The following SHB variants were observed in gnomAD, a reference collection of about 807,000 sequenced individuals.
The protein encoded by SHB is SH2 domain-containing adapter protein B.
In SHB, 20 loss-of-function variants were observed where a neutral mutation model predicts 52.3. The observed-to-expected ratio is 0.38, with a 90% confidence interval of 0.27 to 0.56. The LOEUF is 0.56. Among genes scored for constraint, SHB ranks in the 20% least tolerant of loss-of-function variants. The pLI is 0.71. For synonymous variants in SHB, 397 were observed against 316.5 expected (o/e 1.25, Z -2.70); for missense variants, 825 against 723.3 (o/e 1.14, Z -1.61).
chr9:37,970,688 T>C (rs1820581670), intron 3 of SHB, among the ~76,000 whole-genome samples: 1 of 152,164 alleles, frequency 6.6e-6, no homozygotes, highest in South Asian at 2.1e-4. Context: ...GGTTGCAGAC[T>C]GACCTCCCAG....
At chr9:38,026,720 G>C (rs940564849) in intron 1 of SHB, among the ~76,000 whole-genome samples, 1 of 152,230 alleles carries the variant, frequency 6.6e-6, no homozygotes, top group Non-Finnish European at 1.5e-5. Flanking sequence ...TCTAGGCTGG[G>C]AAACCCTGAA....
chr9:38,031,070 C>A (rs1256435452), intron 1 of SHB, among the ~76,000 whole-genome samples: 1 of 152,206 alleles, frequency 6.6e-6, no homozygotes, highest in Non-Finnish European at 1.5e-5. Flanking sequence ...GCCTTTAACC[C>A]CAGCACTTTG....
intron 5 of SHB, 36 bp from the exon 6 acceptor site, chr9:37,920,040 C>T (rs779260822): frequency 6.4e-7 from 1 of 1,564,898 alleles, no homozygotes; most frequent in African/African-American, 1.4e-5. Flanking sequence ...GAACTACCCC[C>T]CTGACACTCA....
intron 3 of SHB, among the ~76,000 whole-genome samples, chr9:37,973,793 T>C (rs1162081811): frequency 6.6e-6 from 1 of 152,162 alleles, no homozygotes; most frequent in Non-Finnish European, 1.5e-5. Flanking sequence ...ACCTGTGCTC[T>C]GTGAGCGTGT....
chr9:38,009,378 G>C (rs139066624), intron 2 of SHB, among the ~76,000 whole-genome samples: 3 of 152,384 alleles, frequency 2.0e-5, no homozygotes, highest in Non-Finnish European at 2.9e-5. Context: ...TGTGACCGCA[G>C]AGGCGGGTAA....
At chr9:37,941,499 C>A (rs1246432528) in intron 5 of SHB, among the ~76,000 whole-genome samples, 1 of 152,234 alleles carries the variant, frequency 6.6e-6, no homozygotes, top group Admixed American at 6.5e-5. Context: ...CTGTGCAGAG[C>A]TCCCTCTGTT....
rs149751665 is a variant in SHB at position 37,924,330 on chromosome 9, C to T, written c.1347-4326G>A. ...AAAACATTACTCAGCCTGCAGCTGC[C>T]GGCCGCCGAGCAGGGTGCGAGGCCT... On this transcript the variant is annotated intron_variant, in intron 5 of 5. Coordinates refer to ENST00000377707, the MANE Select transcript of SHB (RefSeq NM_003028.3). Among the ~76,000 whole-genome samples, 344 of 152,318 alleles carry T rather than the reference C, an allele frequency of 2.3e-3. 2 individuals carry two copies. The highest frequency in any genetic ancestry group is 0.011 in the South Asian group (51 of 4,830).
chr9:37,940,957 G>T (rs1461670921), intron 5 of SHB, among the ~76,000 whole-genome samples: 1 of 152,196 alleles, frequency 6.6e-6, no homozygotes, highest in Non-Finnish European at 1.5e-5. Flanking sequence ...GAGCAACTAG[G>T]AGGTCAGAGA....
chr9:38,014,966 C>CA (rs1034645601), intron 2 of SHB, among the ~76,000 whole-genome samples: 23 of 152,164 alleles, frequency 1.5e-4, no homozygotes, highest in African/African-American at 3.1e-4. Flanking sequence ...GACAGGAATG[C>CA]AAAAAACCAA....
At chr9:37,994,168 G>GA (rs1056184195) in intron 2 of SHB, among the ~76,000 whole-genome samples, 1 of 152,200 alleles carries the variant, frequency 6.6e-6, no homozygotes, top group Non-Finnish European at 1.5e-5. Context: ...TGCAATGTGA[G>GA]AGAGTAGAAA....
intron 1 of SHB, among the ~76,000 whole-genome samples, chr9:38,029,479 T>G (rs1324503548): frequency 6.6e-6 from 1 of 152,124 alleles, no homozygotes; most frequent in Non-Finnish European, 1.5e-5. Flanking sequence ...GGGGTTGCTA[T>G]GAGATTTTTT....
intron 5 of SHB, among the ~76,000 whole-genome samples, chr9:37,947,644 A>G (rs751038411): frequency 1.1e-4 from 17 of 152,230 alleles, no homozygotes; most frequent in Non-Finnish European, 2.1e-4. Context: ...GGGAGGGGTC[A>G]GTCGTGAGCA....
intron 2 of SHB, among the ~76,000 whole-genome samples, chr9:37,987,038 G>A (rs1044845750): frequency 2.0e-5 from 3 of 152,302 alleles, no homozygotes; most frequent in East Asian, 1.9e-4. Flanking sequence ...GACCAGTCAC[G>A]GCTATACCCC....
chr9:37,994,995 G>A (rs977429001), intron 2 of SHB, among the ~76,000 whole-genome samples: 1 of 152,142 alleles, frequency 6.6e-6, no homozygotes, highest in African/African-American at 2.4e-5. Context: ...GAACTGAAAC[G>A]TTCTTCCTGA....
At position 38,068,449 on chromosome 9, in the gene SHB, G is replaced by C. The variant is rs1356864591; in HGVS notation, c.197C>G (p.Ser66Cys). The change falls in exon 1 of 6, where the codon TCT becomes TGT. Residue 66 changes from serine (S) to cysteine (C), a missense_variant. Ser to Cys is a moderately radical substitution (Grantham distance 112). Transcript: ENST00000377707. ...GPATASCFSA[S>C]SGSLPDDSGS... ...GCTGTCGTCGGGCAGCGAGCCCGAA[G>C]AGGCTGAGAAGCAGGAGGCGGTGGC... 1 of 1,538,354 alleles carries C rather than the reference G, an allele frequency of 6.5e-7. No individual in the cohort carries two copies. Among genetic ancestry groups the C allele is most frequent in the Non-Finnish European group, 8.7e-7 (1 of 1,147,096 alleles).
At chr9:38,030,642 T>C (rs1415531548) in intron 1 of SHB, among the ~76,000 whole-genome samples, 1 of 152,186 alleles carries the variant, frequency 6.6e-6, no homozygotes, top group Non-Finnish European at 1.5e-5. Flanking sequence ...CTGCACTTGG[T>C]TTAACAGCCT....
intron 4 of SHB, among the ~76,000 whole-genome samples, chr9:37,952,131 T>A (rs973402037): frequency 1.3e-4 from 20 of 152,030 alleles, no homozygotes; most frequent in African/African-American, 4.6e-4. Flanking sequence ...ACGGGGCTGA[T>A]GAAGGGAGAG....
At chr9:38,000,593 G>A (rs921783200) in intron 2 of SHB, among the ~76,000 whole-genome samples, 2 of 152,240 alleles carry the variant, frequency 1.3e-5, no homozygotes, top group East Asian at 1.9e-4. Context: ...TTCCGAGGCC[G>A]GGTGGGCTGA....
At chr9:38,035,238 A>G (rs887049832) in intron 1 of SHB, among the ~76,000 whole-genome samples, 4 of 151,958 alleles carry the variant, frequency 2.6e-5, no homozygotes, top group African/African-American at 9.7e-5. Context: ...TTTCAACTCA[A>G]TTTCAGGAAG....
Sources: gnomAD v4.1 joint callset for allele counts (sites outside exome capture counted in the v4.1 genomes callset) on GRCh38, gnomAD v4.1.1 for gene constraint, MANE v1.5 for transcripts, NCBI Gene and HGNC (gene_info 2026-07-23, HGNC 2026-07-21) for gene names.